ZFHX3: variants seen among roughly 807,000 people sequenced by gnomAD.
ZFHX3 encodes zinc finger homeobox protein 3.
ZFHX3 carries 42 observed loss-of-function variants against 279.1 expected under a neutral mutation model. The observed-to-expected ratio is 0.15, with a 90% CI of 0.12 to 0.19. The LOEUF (loss-of-function observed/expected upper bound fraction) is 0.19, where lower values mean the gene tolerates loss of function less well. Among genes scored for constraint, ZFHX3 ranks in the 10% least tolerant of loss-of-function variants. ZFHX3 has a pLI of 1.00. For synonymous variants in ZFHX3, 2,293 were observed against 1,957.8 expected (o/e 1.17, Z -4.52); for missense variants, 4,981 against 4,754.0 (o/e 1.05, Z -1.40).
chr16:73,334,767 A>C (rs1399924263), intron 3 of ZFHX3, among the ~76,000 whole-genome samples: 1 of 145,480 alleles, frequency 6.9e-6, no homozygotes, highest in African/African-American at 2.6e-5. Flanking sequence ...ATCTTCCATT[A>C]AATTGGATAA....
chr16:73,884,314 G>C (rs1207610712), intron 1 of ZFHX3, among the ~76,000 whole-genome samples: 1 of 151,860 alleles, frequency 6.6e-6, no homozygotes, highest in Non-Finnish European at 1.5e-5. Context: ...TGGTTATGTG[G>C]GCCAATAAAG....
At chr16:73,612,320 G>A (rs536629695) in intron 2 of ZFHX3, among the ~76,000 whole-genome samples, 1 of 152,242 alleles carries the variant, frequency 6.6e-6, no homozygotes, top group African/African-American at 2.4e-5. Context: ...TTCAGTCTTA[G>A]GCAAACAATA....
intron 2 of ZFHX3, among the ~76,000 whole-genome samples, chr16:73,616,859 T>C (rs2052308624): frequency 6.6e-6 from 1 of 152,194 alleles, no homozygotes; most frequent in Non-Finnish European, 1.5e-5. Flanking sequence ...AGGAAGGCGA[T>C]AAGTTAAAGC....
chr16:73,226,355 T>A (rs113286943), intron 5 of ZFHX3, among the ~76,000 whole-genome samples: 73 of 152,362 alleles, frequency 4.8e-4, no homozygotes, highest in African/African-American at 1.6e-3. Context: ...CATCTAAGAA[T>A]CTGTGAGTGA....
chr16:73,203,479 A>G (rs190153463), intron 5 of ZFHX3, among the ~76,000 whole-genome samples: 7 of 152,346 alleles, frequency 4.6e-5, no homozygotes, highest in African/African-American at 1.7e-4. Flanking sequence ...TCAGAATTCA[A>G]TCTCCATCTT....
At chr16:73,454,488 C>A (rs893851975) in intron 3 of ZFHX3, among the ~76,000 whole-genome samples, 1 of 149,276 alleles carries the variant, frequency 6.7e-6, no homozygotes, top group African/African-American at 2.5e-5. Context: ...TTCAAGCTAC[C>A]AAATTCAGCA....
chr16:73,590,487 G>A (rs1299598184), intron 2 of ZFHX3, among the ~76,000 whole-genome samples: 1 of 152,174 alleles, frequency 6.6e-6, no homozygotes, highest in Non-Finnish European at 1.5e-5. Flanking sequence ...CTACAAGTGG[G>A]TCAAGAGCAG....
chr16:73,544,565 G>T lies in ZFHX3; in HGVS notation c.-1546-88307C>A, dbSNP rs527638288. ...GTTTGCTATTCTGGGGCAAACCCCA[G>T]AAACCTCGAGGGAAAGAGAGCTTGG... On this transcript the variant is annotated intron_variant, in intron 2 of 17. Transcript: ENST00000641206. Among the ~76,000 whole-genome samples, 49 of 152,176 alleles carry T rather than the reference G, an allele frequency of 3.2e-4. 1 individual carries two copies. Among genetic ancestry groups the T allele is most frequent in the Admixed American group, 3.0e-3 (46 of 15,286 alleles).
At chr16:73,319,513 G>A (rs1043584687) in intron 3 of ZFHX3, among the ~76,000 whole-genome samples, 4 of 152,068 alleles carry the variant, frequency 2.6e-5, no homozygotes, top group African/African-American at 9.7e-5. Context: ...GCCCAGACAG[G>A]AGAGTCATGG....
At chr16:73,334,810 C>CCTTTTTTTTTTTTTTTTTTTTTTTT (rs1555510772) in intron 3 of ZFHX3, among the ~76,000 whole-genome samples, 1 of 57,856 alleles carries the variant, frequency 1.7e-5, no homozygotes, top group Non-Finnish European at 3.4e-5. Flanking sequence ...CTTTCTCATT[C>CCTTTTTTTTTTTTTTTTTTTTTTTT]TTTTTTTTTT....
At chr16:73,021,414 G>A (rs773792651) in intron 1 of ZFHX3, among the ~76,000 whole-genome samples, 12 of 152,158 alleles carry the variant, frequency 7.9e-5, no homozygotes, top group Non-Finnish European at 1.5e-4. Context: ...GGAGCAGATC[G>A]AATAGCATCC....
intron 1 of ZFHX3, among the ~76,000 whole-genome samples, chr16:73,734,697 T>C (rs1388941105): frequency 6.6e-6 from 1 of 152,078 alleles, no homozygotes; most frequent in African/African-American, 2.4e-5. Context: ...TCAACCAAAA[T>C]ATGAAACTAT....
chr16:73,723,784 A>C (rs2053495983), intron 1 of ZFHX3, among the ~76,000 whole-genome samples: 1 of 152,226 alleles, frequency 6.6e-6, no homozygotes, highest in African/African-American at 2.4e-5. Flanking sequence ...TGGCTGAATT[A>C]AACGATCTTT....
In ZFHX3 at chr16:72,901,280, G is replaced by A. The variant is rs371678563; in HGVS notation, c.3217-11318C>T. Among the ~76,000 whole-genome samples the A allele has an allele frequency of 1.6e-4, 24 of 152,264 alleles. 1 individual carries two copies. The highest frequency in any genetic ancestry group is 6.2e-4 in the South Asian group (3 of 4,818). ...CTACAGAAGAATTTCAACCAAATGC[G>A]AGAGGAAAATGCTCTTTAAAACTCC... On this transcript the variant is annotated intron_variant, in intron 3 of 9. Coordinates refer to ENST00000268489, the MANE Select transcript of ZFHX3 (RefSeq NM_006885.4).
chr16:73,761,631 C>G (rs1371414602), intron 1 of ZFHX3, among the ~76,000 whole-genome samples: 10 of 152,154 alleles, frequency 6.6e-5, no homozygotes, highest in Non-Finnish European at 1.5e-4. Flanking sequence ...AGTACAAAAA[C>G]AGACACATAG....
chr16:73,047,151 G>A (rs1325915516), intron 1 of ZFHX3, among the ~76,000 whole-genome samples: 1 of 152,096 alleles, frequency 6.6e-6, no homozygotes, highest in East Asian at 1.9e-4. Context: ...TTCTGCTACT[G>A]ACCTAAACAT....
intron 4 of ZFHX3, among the ~76,000 whole-genome samples, chr16:72,835,088 A>C (rs201227577): frequency 1.3e-5 from 2 of 152,164 alleles, no homozygotes; most frequent in East Asian, 3.9e-4. Flanking sequence ...CATGTTACTT[A>C]AATAATACAC....
At chr16:73,136,398 T>A (rs1966793708) in intron 6 of ZFHX3, among the ~76,000 whole-genome samples, 1 of 151,942 alleles carries the variant, frequency 6.6e-6, no homozygotes. Flanking sequence ...ATCTATTAGG[T>A]TGGTGCAAAA....
intron 1 of ZFHX3, among the ~76,000 whole-genome samples, chr16:73,755,055 T>C (rs2053795972): frequency 2.0e-5 from 3 of 152,208 alleles, no homozygotes; most frequent in Admixed American, 2.0e-4. Flanking sequence ...ACATACAACA[T>C]AATTGAAGTT....
Sources: gnomAD v4.1 joint callset for allele counts (sites outside exome capture counted in the v4.1 genomes callset) on GRCh38, gnomAD v4.1.1 for gene constraint, MANE v1.5 for transcripts, NCBI Gene and HGNC (gene_info 2026-07-23, HGNC 2026-07-21) for gene names.